Variants in BLOC1S5 observed in about 807,000 individuals in gnomAD.
The protein encoded by BLOC1S5 is biogenesis of lysosome-related organelles complex 1 subunit 5.
Under a neutral mutation model 24.3 loss-of-function variants are expected in BLOC1S5, and 27 were observed. The observed-to-expected ratio is 1.11, with a 90% CI of 0.82 to 1.53. BLOC1S5 has a LOEUF of 1.53. Among genes scored for constraint, BLOC1S5 ranks in the 40% most tolerant of loss-of-function variants. The pLI is 0.00. For synonymous variants in BLOC1S5, 84 were observed against 74.5 expected, an observed-to-expected ratio of 1.13 and a Z score of -0.66; for missense variants, 239 against 229.4, an observed-to-expected ratio of 1.04 and a Z score of -0.27.
In BLOC1S5 at chr6:8,015,667, C is replaced by T. The variant is rs753376697; in HGVS notation, c.546G>A (p.Ala182=). The change falls in exon 5 of 5, where the codon GCG becomes GCA. Residue 182 remains alanine (A), a synonymous_variant. Transcript: ENST00000397457. ...EQYAEMEKDL[A]KFSTF is the part of the protein sequence containing the mutation. Reference sequence around the variant, plus strand: ...CAAGTTCTTAAAAGGTTGAAAATTTCGCTAGGTCCTTCTCCATCTCAGCAT... The same window carrying T: ...CAAGTTCTTAAAAGGTTGAAAATTTTGCTAGGTCCTTCTCCATCTCAGCAT... The T allele has an allele frequency of 1.9e-5, 31 of 1,609,494 alleles. No individual in the cohort carries two copies. The highest frequency in any genetic ancestry group is 5.1e-5 in the Admixed American group (3 of 58,756).
At chr6:8,039,492 T>A (rs753462785) in intron 3 of BLOC1S5, among the ~76,000 whole-genome samples, 22 of 152,202 alleles carry the variant, frequency 1.4e-4, no homozygotes, top group Admixed American at 2.6e-4. Flanking sequence ...GTGATGAATA[T>A]GTGAATTACA....
intron 4 of BLOC1S5, 136 bp from the exon 5 acceptor site, chr6:8,015,964 A>G: frequency 1.4e-6 from 1 of 704,784 alleles, no homozygotes. Flanking sequence ...ATCCAAAAAA[A>G]GATGACACAT....
intron 3 of BLOC1S5, among the ~76,000 whole-genome samples, chr6:8,031,484 G>A (rs1002891618): frequency 6.6e-6 from 1 of 151,996 alleles, no homozygotes; most frequent in Non-Finnish European, 1.5e-5. Flanking sequence ...CGACACATAT[G>A]GAAATACATC....
intron 2 of BLOC1S5, among the ~76,000 whole-genome samples, chr6:8,044,775 TGA>T (rs976657220): frequency 7.2e-5 from 11 of 152,096 alleles, no homozygotes; most frequent in African/African-American, 2.7e-4. Context: ...ACTTTGAACT[TGA>T]GAGAGATCAT....
At chr6:8,019,420 C>T (rs187935795) in intron 4 of BLOC1S5, among the ~76,000 whole-genome samples, 14 of 152,048 alleles carry the variant, frequency 9.2e-5, no homozygotes, top group Non-Finnish European at 1.0e-4. Context: ...AGGCAACCAC[C>T]ACCACACCTG....
chr6:8,030,591 G>C (rs937503273), intron 3 of BLOC1S5, among the ~76,000 whole-genome samples: 2 of 151,260 alleles, frequency 1.3e-5, no homozygotes, highest in Non-Finnish European at 2.9e-5. Flanking sequence ...CTCAAGAAAG[G>C]CCAGGTACAG....
intron 2 of BLOC1S5, among the ~76,000 whole-genome samples, chr6:8,056,424 T>C (rs1329226881): frequency 1.3e-5 from 2 of 152,154 alleles, no homozygotes; most frequent in African/African-American, 4.8e-5. Flanking sequence ...CAGATGTAGA[T>C]TGGGTTTGCT....
intron 4 of BLOC1S5, among the ~76,000 whole-genome samples, chr6:8,021,182 G>T (rs1368107264): frequency 6.6e-6 from 1 of 152,208 alleles, no homozygotes; most frequent in Non-Finnish European, 1.5e-5. Context: ...CTACTTACAC[G>T]ATGAACCTAG....
chr6:8,055,664 A>G lies in BLOC1S5; in HGVS notation c.195+6870T>C, dbSNP rs373300635. On this transcript the variant is annotated intron_variant, in intron 2 of 4. Coordinates refer to ENST00000397457, the MANE Select transcript of BLOC1S5 (RefSeq NM_201280.3). ...TGTATAACTCCCTTTTTCGTTTCAC[A>G]AAGTATTCAGTTTCCTACAATTTTT... Among the ~76,000 whole-genome samples, 4 of 152,196 alleles carry G rather than the reference A, an allele frequency of 2.6e-5. No homozygotes were observed. In the East Asian group the frequency reaches 7.7e-4, roughly 29 times the overall value.
chr6:8,026,405 C>A lies in BLOC1S5; in HGVS notation c.346G>T (p.Val116Phe), dbSNP rs1288507763. The change falls in exon 4 of 5, where the codon GTC becomes TTC. Residue 116 changes from valine to phenylalanine, a missense_variant. By Grantham distance (50) the Val-to-Phe change is conservative. Coordinates refer to ENST00000397457, the MANE Select transcript of BLOC1S5 (RefSeq NM_201280.3). ...LQRLQAANDS[V>F]CRLQQREQER... ...TGTTCCCTCTGTTGGAGTCTACAGA[C>A]TGAGTCATTAGCTGCTTGCACTGAA... 1.9e-6 allele frequency: 3 copies of A among 1,613,408 alleles called. No homozygotes were observed. Among genetic ancestry groups the A allele is most frequent in the Non-Finnish European group, 2.5e-6 (3 of 1,179,784 alleles).
chr6:8,040,571 G>A (rs1232319553), intron 3 of BLOC1S5, among the ~76,000 whole-genome samples: 1 of 152,136 alleles, frequency 6.6e-6, no homozygotes, highest in Non-Finnish European at 1.5e-5. Context: ...CAAGAACCGA[G>A]ATTCCTGGCT....
intron 3 of BLOC1S5, among the ~76,000 whole-genome samples, chr6:8,034,960 C>T (rs1763436874): frequency 6.6e-6 from 1 of 151,372 alleles, no homozygotes; most frequent in African/African-American, 2.4e-5. Flanking sequence ...TATGCATACA[C>T]ACACACACAC....
At chr6:8,030,132 A>G (rs574882683) in intron 3 of BLOC1S5, among the ~76,000 whole-genome samples, 1 of 152,170 alleles carries the variant, frequency 6.6e-6, no homozygotes, top group Non-Finnish European at 1.5e-5. Context: ...CACAGAAAAA[A>G]AATTCAGAAA....
At chr6:8,042,783 T>A (rs781409441) in intron 2 of BLOC1S5, among the ~76,000 whole-genome samples, 5 of 152,258 alleles carry the variant, frequency 3.3e-5, no homozygotes, top group African/African-American at 1.2e-4. Flanking sequence ...TAATGTTGAA[T>A]ACCTCTTTCC....
chr6:8,044,787 T>C (rs557906947), intron 2 of BLOC1S5, among the ~76,000 whole-genome samples: 4 of 152,268 alleles, frequency 2.6e-5, no homozygotes, highest in African/African-American at 4.8e-5. Context: ...AGAGAGATCA[T>C]TGAGAGTATC....
intron 2 of BLOC1S5, among the ~76,000 whole-genome samples, chr6:8,057,016 A>G (rs974140680): frequency 2.0e-5 from 3 of 152,200 alleles, no homozygotes; most frequent in Admixed American, 6.5e-5. Flanking sequence ...CAGGAGTTCA[A>G]GACCAGCCTG....
chr6:8,037,656 A>C (rs1310123628), intron 3 of BLOC1S5, among the ~76,000 whole-genome samples: 1 of 152,238 alleles, frequency 6.6e-6, no homozygotes, highest in African/African-American at 2.4e-5. Context: ...AAGACCCTGA[A>C]TAGCCAAAGC....
chr6:8,046,240 G>C (rs971815238), intron 2 of BLOC1S5, among the ~76,000 whole-genome samples: 3 of 152,148 alleles, frequency 2.0e-5, no homozygotes, highest in Non-Finnish European at 4.4e-5. Flanking sequence ...CACCATGTAA[G>C]AAGTGCCTTT....
chr6:8,058,252 G>A (rs1764383718), intron 2 of BLOC1S5, among the ~76,000 whole-genome samples: 2 of 150,568 alleles, frequency 1.3e-5, no homozygotes, highest in African/African-American at 4.9e-5. Context: ...GAGCATGGTG[G>A]CTCATGCTTA....
Sources: gnomAD v4.1 joint callset for allele counts (sites outside exome capture counted in the v4.1 genomes callset) on GRCh38, gnomAD v4.1.1 for gene constraint, MANE v1.5 for transcripts, NCBI Gene and HGNC (gene_info 2026-07-23, HGNC 2026-07-21) for gene names.